The following VEPH1 variants were observed in gnomAD, a reference collection of about 807,000 sequenced individuals.
The protein encoded by VEPH1 is ventricular zone-expressed PH domain-containing protein homolog 1.
Under a neutral mutation model 85.2 loss-of-function variants are expected in VEPH1, and 80 were observed. That is an observed-to-expected ratio of 0.94 (90% CI 0.78 to 1.13). The LOEUF (loss-of-function observed/expected upper bound fraction) is 1.13. Among genes scored for constraint, VEPH1 ranks in the 50% most tolerant of loss-of-function variants. VEPH1 has a pLI of 0.00. For missense variants in VEPH1, 955 were observed against 980.5 expected (o/e 0.97, Z 0.35); for synonymous variants, 297 against 348.0 (o/e 0.85, Z 1.63).
At chr3:157,466,902 G>T (rs376888427) in intron 3 of VEPH1, among the ~76,000 whole-genome samples, 1 of 152,180 alleles carries the variant, frequency 6.6e-6, no homozygotes, top group African/African-American at 2.4e-5. Context: ...TATATGTACC[G>T]ATTTTGTATT....
intron 4 of VEPH1, among the ~76,000 whole-genome samples, chr3:157,446,220 A>AATATTGAATAATAATT (rs1174753048): frequency 7.8e-4 from 119 of 152,028 alleles, no homozygotes; most frequent in African/African-American, 2.8e-3. Flanking sequence ...TTGTGTGTGT[A>AATATTGAATAATAATT]GAGTGAACAA....
chr3:157,307,705 TAGGACCA>T (rs1719662146), intron 11 of VEPH1, among the ~76,000 whole-genome samples: 1 of 151,922 alleles, frequency 6.6e-6, no homozygotes, highest in Non-Finnish European at 1.5e-5. Flanking sequence ...ATTCTAAATT[TAGGACCA>T]GTTTGTCAAA....
intron 12 of VEPH1, among the ~76,000 whole-genome samples, chr3:157,272,423 C>CT (rs1269709031): frequency 7.7e-6 from 1 of 130,534 alleles, no homozygotes; most frequent in Non-Finnish European, 1.7e-5. Context: ...TTCTTTCTTT[C>CT]TTTCTTTCTT....
At position 157,470,559 on chromosome 3, in the gene VEPH1, T is replaced by C. The variant is rs773902331; in HGVS notation, c.139-30A>G. On this transcript the variant is annotated intron_variant, in intron 2 of 13. Transcript: ENST00000362010. Reference sequence around the variant, plus strand: ...TTGGAAAGAAAATCTTCATGTTAAATAATACTCTAGAAAGTTATCCTTCAA... The same window carrying C: ...TTGGAAAGAAAATCTTCATGTTAAACAATACTCTAGAAAGTTATCCTTCAA... 6 of 1,601,178 alleles carry C rather than the reference T, an allele frequency of 3.7e-6. No individual in the cohort carries two copies. In the African/African-American group the frequency reaches 8.0e-5, roughly 21 times the overall value.
At chr3:157,350,398 T>G (rs1724733763) in intron 9 of VEPH1, among the ~76,000 whole-genome samples, 1 of 152,078 alleles carries the variant, frequency 6.6e-6, no homozygotes, top group Admixed American at 6.5e-5. Flanking sequence ...AGTGTAAAAC[T>G]GGAAACTATA....
chr3:157,418,268 G>A (rs1732069773), intron 5 of VEPH1, among the ~76,000 whole-genome samples: 1 of 152,050 alleles, frequency 6.6e-6, no homozygotes, highest in South Asian at 2.1e-4. Flanking sequence ...TGAATTCCCT[G>A]GTTTTTCCTG....
At chr3:157,482,948 ACTT>A (rs1370610812) in intron 2 of VEPH1, among the ~76,000 whole-genome samples, 8 of 151,998 alleles carry the variant, frequency 5.3e-5, no homozygotes, top group African/African-American at 1.9e-4. Context: ...AGATATTTGG[ACTT>A]CTTCACAAAC....
chr3:157,440,057 T>G (rs1734001455), intron 4 of VEPH1, among the ~76,000 whole-genome samples: 1 of 152,186 alleles, frequency 6.6e-6, no homozygotes, highest in African/African-American at 2.4e-5. Flanking sequence ...TATTGAAACT[T>G]TATAGAGACT....
chr3:157,308,959 G>A (rs1719812945), intron 11 of VEPH1, among the ~76,000 whole-genome samples: 1 of 152,086 alleles, frequency 6.6e-6, no homozygotes, highest in Admixed American at 6.5e-5. Context: ...GACCAGTAAA[G>A]TTAATTATTA....
At chr3:157,394,901 C>G (rs1730218329) in intron 6 of VEPH1, among the ~76,000 whole-genome samples, 1 of 152,080 alleles carries the variant, frequency 6.6e-6, no homozygotes, top group African/African-American at 2.4e-5. Flanking sequence ...ATGGGAGAAA[C>G]AGTACCATAT....
At chr3:157,303,619 C>G (rs900142292) in intron 11 of VEPH1, among the ~76,000 whole-genome samples, 2 of 152,100 alleles carry the variant, frequency 1.3e-5, no homozygotes, top group Admixed American at 6.6e-5. Flanking sequence ...AAAGAGTGTC[C>G]CAGACATTTG....
chr3:157,302,483 C>G (rs1473175476), intron 11 of VEPH1, among the ~76,000 whole-genome samples: 1 of 152,118 alleles, frequency 6.6e-6, no homozygotes, highest in East Asian at 1.9e-4. Flanking sequence ...GGATTAGTGC[C>G]TTATTAAAGA....
chr3:157,372,905 T>A (rs1287150806), intron 7 of VEPH1, among the ~76,000 whole-genome samples: 1 of 152,230 alleles, frequency 6.6e-6, no homozygotes, highest in Non-Finnish European at 1.5e-5. Context: ...CTGCAATCGC[T>A]TCATCACAGT....
At chr3:157,448,016 G>A (rs1439293711) in intron 4 of VEPH1, among the ~76,000 whole-genome samples, 2 of 151,954 alleles carry the variant, frequency 1.3e-5, no homozygotes, top group Non-Finnish European at 2.9e-5. Flanking sequence ...AACCATTGAT[G>A]AACTATGGGC....
intron 2 of VEPH1, among the ~76,000 whole-genome samples, chr3:157,490,436 T>C (rs1739125126): frequency 6.6e-6 from 1 of 150,892 alleles, no homozygotes; most frequent in Non-Finnish European, 1.5e-5. Flanking sequence ...AAAAAAAACA[T>C]AAACAGATAC....
At chr3:157,270,285 G>GCAAAA (rs954662050) in intron 12 of VEPH1, among the ~76,000 whole-genome samples, 7 of 148,342 alleles carry the variant, frequency 4.7e-5, no homozygotes, top group African/African-American at 1.5e-4. Flanking sequence ...AAAAAAAAAA[G>GCAAAA]CAAAACAAAA....
intron 6 of VEPH1, among the ~76,000 whole-genome samples, chr3:157,395,316 C>T (rs1003761127): frequency 6.6e-6 from 1 of 152,154 alleles, no homozygotes; most frequent in Non-Finnish European, 1.5e-5. Context: ...ATCAACCTGC[C>T]ACAGGTAGCT....
Position 157,495,326 on chromosome 3 carries a change from A to G in VEPH1, c.24T>C (p.Val8=), listed in dbSNP as rs954347027. Residue 8 remains valine (V), a synonymous_variant, in exon 2 of 14, where the codon GTT becomes GTC. Transcript: ENST00000362010. MHQLFRL[V]LGQKDLSRAG... ...CTCGTGAAAGATCTTTTTGTCCCAA[A>G]ACCAGTCTGAACAGTTGATGCATGG... 50 of 1,613,882 alleles carry G rather than the reference A, an allele frequency of 3.1e-5. No homozygotes were observed. Among genetic ancestry groups the G allele is most frequent in the Non-Finnish European group, 3.6e-5 (42 of 1,179,902 alleles).
chr3:157,388,652 G>A (rs1729549050), intron 6 of VEPH1, among the ~76,000 whole-genome samples: 1 of 152,070 alleles, frequency 6.6e-6, no homozygotes, highest in Non-Finnish European at 1.5e-5. Flanking sequence ...CTCCATATTG[G>A]AGGGTTCTAC....
Sources: allele counts gnomAD v4.1 joint callset (sites outside exome capture counted in the v4.1 genomes callset), GRCh38; gene constraint gnomAD v4.1.1; transcripts MANE v1.5; gene names NCBI Gene and HGNC (gene_info 2026-07-23, HGNC 2026-07-21).